LURAP1: variants seen among roughly 807,000 people sequenced by gnomAD.
LURAP1 encodes leucine rich adaptor protein 1, also known as NF-kappa-B activator C1orf190.
Under a neutral mutation model 19.0 loss-of-function variants are expected in LURAP1, and 14 were observed. The ratio of observed to expected loss-of-function variants is 0.74; its 90% CI spans 0.49 to 1.15. LURAP1 has a LOEUF of 1.15. LURAP1 is among the 50% of genes most tolerant of loss of function. LURAP1 has a pLI of 0.00. For synonymous variants in LURAP1, 129 were observed against 131.8 expected (o/e 0.98, Z 0.14); for missense variants, 273 against 309.1 (o/e 0.88, Z 0.87).
intron 1 of LURAP1, among the ~76,000 whole-genome samples, chr1:46,204,155 G>A (rs1042544456): frequency 1.8e-4 from 28 of 152,120 alleles, no homozygotes; most frequent in African/African-American, 5.3e-4. Context: ...ACATCCCCCA[G>A]CCCTACTTAA....
chr1:46,220,354 T>TC lies in LURAP1; in HGVS notation c.*135dup. On this transcript the variant is annotated 3_prime_UTR_variant, in exon 2 of 2. Transcript: ENST00000371980. ...TCAGTTACCATGGAAACCTGGCTCA[T>TC]CATTTCTCTAGTCCCTAGGGAGTCT... 2.2e-6 allele frequency: 2 copies of TC among 929,620 alleles called. No individual in the cohort carries two copies. The highest frequency in any genetic ancestry group is 3.4e-5 in the South Asian group (2 of 58,214). 57.6% of individuals were successfully genotyped at this position (929,620 alleles called of 1,614,324 possible). A position where few individuals can be genotyped will look rare whatever the true frequency, so the allele number is the denominator to read the frequency against.
chr1:46,216,091 G>A (rs1243263072), intron 1 of LURAP1, among the ~76,000 whole-genome samples: 1 of 123,816 alleles, frequency 8.1e-6, no homozygotes, highest in African/African-American at 3.0e-5. Context: ...CTGTTGCCCA[G>A]GCTGGAGTGC....
intron 1 of LURAP1, among the ~76,000 whole-genome samples, chr1:46,217,059 C>G (rs957212665): frequency 6.6e-6 from 1 of 151,988 alleles, no homozygotes; most frequent in African/African-American, 2.4e-5. Context: ...CAGGATGCTA[C>G]TAGAGGGAAA....
intron 1 of LURAP1, among the ~76,000 whole-genome samples, chr1:46,206,720 A>G (rs996389543): frequency 6.6e-6 from 1 of 152,198 alleles, no homozygotes; most frequent in African/African-American, 2.4e-5. Context: ...CCAGCAACAC[A>G]CTACAACCCA....
At chr1:46,214,115 G>T (rs966731335) in intron 1 of LURAP1, among the ~76,000 whole-genome samples, 4 of 152,126 alleles carry the variant, frequency 2.6e-5, no homozygotes, top group African/African-American at 7.2e-5. Context: ...GAAGGCCGAG[G>T]CTGGATGATC....
At chr1:46,205,054 T>C (rs1407026822) in intron 1 of LURAP1, among the ~76,000 whole-genome samples, 5 of 151,794 alleles carry the variant, frequency 3.3e-5, no homozygotes, top group Non-Finnish European at 1.5e-5. Flanking sequence ...GCCCAGGAGT[T>C]TGAGACCAGC....
intron 1 of LURAP1, among the ~76,000 whole-genome samples, chr1:46,211,495 T>C (rs552129068): frequency 6.8e-6 from 1 of 148,114 alleles, no homozygotes; most frequent in Admixed American, 6.7e-5. Context: ...ATATCACAAC[T>C]AGTAAATAAG....
chr1:46,213,105 A>G (rs947789777), intron 1 of LURAP1, among the ~76,000 whole-genome samples: 3 of 152,098 alleles, frequency 2.0e-5, no homozygotes, highest in Non-Finnish European at 2.9e-5. Context: ...ATGTGTGTAT[A>G]TATGCACATA....
chr1:46,209,209 A>T (rs1231769578), intron 1 of LURAP1, among the ~76,000 whole-genome samples: 2 of 152,168 alleles, frequency 1.3e-5, no homozygotes, highest in Admixed American at 6.5e-5. Flanking sequence ...TTTTTCGTAG[A>T]GATGGGGTTG....
intron 1 of LURAP1, among the ~76,000 whole-genome samples, chr1:46,212,402 T>C (rs1305346445): frequency 6.6e-6 from 1 of 151,282 alleles, no homozygotes; most frequent in Non-Finnish European, 1.5e-5. Context: ...TGCCTCAGCC[T>C]CCCCAGCAGC....
In LURAP1 at chr1:46,220,599, GTTTA is replaced by G. The variant is rs1367884318; in HGVS notation, c.*391_*394del. On this transcript the variant is annotated 3_prime_UTR_variant, in exon 2 of 2. Transcript: ENST00000371980. ...CATGCACCACCATGCCCAGCTAATTGTTTATTTATTTATTTTTTTTTTGTAGAGA... is the reference window on the plus strand; with the variant it reads ...CATGCACCACCATGCCCAGCTAATTGTTTATTTATTTTTTTTTTGTAGAGA... 14 of 163,328 alleles carry G rather than the reference GTTTA, an allele frequency of 8.6e-5. No individual in the cohort carries two copies. The highest frequency in any genetic ancestry group is 1.9e-4 in the Admixed American group (3 of 15,764). The allele number at this position is 163,328 out of a possible 1,614,324, so 10.1% of individuals were successfully genotyped here.
In LURAP1 at chr1:46,205,484, C is replaced by G. The variant is rs80291165; in HGVS notation, c.198+1860C>G. On this transcript the variant is annotated intron_variant, in intron 1 of 1. Coordinates refer to ENST00000371980, the MANE Select transcript of LURAP1 (RefSeq NM_001013615.3). ...ATTTTATGTCATTGAAATGAGAAAACTGGTCATCATTTCTCCCATCTTACA... is the reference window on the plus strand; with the variant it reads ...ATTTTATGTCATTGAAATGAGAAAAGTGGTCATCATTTCTCCCATCTTACA... 5.3e-3 allele frequency among the ~76,000 whole-genome samples: 806 copies of G among 152,304 alleles called. 6 individuals carry two copies. Among genetic ancestry groups the G allele is most frequent in the Middle Eastern group, 0.041 (12 of 294 alleles).
rs1571692718 is a variant in LURAP1 at position 46,218,432 on chromosome 1, G to T, written c.199-1267G>T. On this transcript the variant is annotated intron_variant, in intron 1 of 1. Coordinates refer to ENST00000371980, the MANE Select transcript of LURAP1 (RefSeq NM_001013615.3). ...AACTAAATAAAACTAGTTTTAAAAAGTCATTTGTGGCAGCACCTTGGGTTC... is the reference window on the plus strand; with the variant it reads ...AACTAAATAAAACTAGTTTTAAAAATTCATTTGTGGCAGCACCTTGGGTTC... Among the ~76,000 whole-genome samples the T allele has an allele frequency of 2.6e-5, 4 of 152,320 alleles. No individual in the cohort carries two copies. In the South Asian group the frequency reaches 8.3e-4, roughly 32 times the overall value.
intron 1 of LURAP1, among the ~76,000 whole-genome samples, chr1:46,211,935 T>G (rs964428457): frequency 6.6e-6 from 1 of 152,120 alleles, no homozygotes; most frequent in Admixed American, 6.6e-5. Context: ...CCAATTTTTG[T>G]ATTTTTATTA....
chr1:46,203,806 GT>G (rs1658625932), intron 1 of LURAP1, among the ~76,000 whole-genome samples, 182 bp downstream of exon 1: 1 of 152,102 alleles, frequency 6.6e-6, no homozygotes, highest in Admixed American at 6.5e-5. Context: ...TCCATTACTT[GT>G]CCCCCAAGAG....
chr1:46,206,160 T>C (rs1334612850), intron 1 of LURAP1, among the ~76,000 whole-genome samples: 1 of 152,242 alleles, frequency 6.6e-6, no homozygotes. Context: ...GAAAAAGCTT[T>C]AGGCAAGGAA....
chr1:46,210,732 C>T (rs1452351520), intron 1 of LURAP1, among the ~76,000 whole-genome samples: 2 of 152,178 alleles, frequency 1.3e-5, no homozygotes, highest in African/African-American at 4.8e-5. Flanking sequence ...CACCACCCTC[C>T]ATCTGTTCAG....
intron 1 of LURAP1, among the ~76,000 whole-genome samples, chr1:46,219,362 T>A (rs1659162134): frequency 6.6e-6 from 1 of 152,118 alleles, no homozygotes; most frequent in South Asian, 2.1e-4. Flanking sequence ...ATTTTAATAC[T>A]TAACATTTAC....
At chr1:46,207,627 C>T (rs1205401067) in intron 1 of LURAP1, among the ~76,000 whole-genome samples, 2 of 151,564 alleles carry the variant, frequency 1.3e-5, no homozygotes, top group Non-Finnish European at 2.9e-5. Flanking sequence ...CAAGCTCCGC[C>T]TCCTGGGTTC....
Sources: gnomAD v4.1 joint callset for allele counts (sites outside exome capture counted in the v4.1 genomes callset) on GRCh38, gnomAD v4.1.1 for gene constraint, MANE v1.5 for transcripts, NCBI Gene and HGNC (gene_info 2026-07-23, HGNC 2026-07-21) for gene names.